GABRA3: variants seen among roughly 807,000 people sequenced by gnomAD.
The protein encoded by GABRA3 is gamma-aminobutyric acid type A receptor subunit alpha3.
Under a neutral mutation model 30.1 loss-of-function variants are expected in GABRA3, and 10 were observed. That is an observed-to-expected ratio of 0.33 (90% CI 0.20 to 0.56). GABRA3 has a LOEUF of 0.56. Ranked by LOEUF, GABRA3 falls within the 20% of genes least tolerant of loss-of-function variation. GABRA3 has a pLI of 0.89. For missense variants in GABRA3, 233 were observed against 392.0 expected (o/e 0.59, Z 3.42); for synonymous variants, 151 against 146.8 (o/e 1.03, Z -0.21).
chrX:152,307,189 C>G (rs964744372), intron 3 of GABRA3, among the ~76,000 whole-genome samples: 68 of 111,541 alleles, frequency 6.1e-4, no homozygotes, highest in African/African-American at 2.0e-3. Context: ...ATATCAATAC[C>G]TGACCTCACG....
At chrX:152,223,483 T>G (rs1043411168) in intron 6 of GABRA3, among the ~76,000 whole-genome samples, 1 of 110,918 alleles carries the variant, frequency 9.0e-6, no homozygotes, top group Non-Finnish European at 1.9e-5. Context: ...CAAAGACCTT[T>G]AATGGCCTAT....
intron 1 of GABRA3, among the ~76,000 whole-genome samples, chrX:152,385,390 G>C (rs1047340496): frequency 1.8e-5 from 2 of 112,027 alleles, no homozygotes; most frequent in African/African-American, 6.5e-5. Flanking sequence ...TGAATACATT[G>C]TGCTGTATTC....
chrX:152,413,002 C>G (rs73626658), intron 1 of GABRA3, among the ~76,000 whole-genome samples: 3,883 of 110,701 alleles, frequency 0.035, 183 homozygotes, highest in African/African-American at 0.12. Flanking sequence ...CTCTATGAAA[C>G]CAAGAAGTGC....
At chrX:152,289,471 C>CT (rs1218533737) in intron 3 of GABRA3, among the ~76,000 whole-genome samples, 43 of 103,578 alleles carry the variant, frequency 4.2e-4, no homozygotes, top group South Asian at 8.4e-4. Flanking sequence ...TGTCTCCCTT[C>CT]TTTTTTTTTT....
At chrX:152,299,323 C>T (rs1939590013) in intron 3 of GABRA3, among the ~76,000 whole-genome samples, 1 of 111,105 alleles carries the variant, frequency 9.0e-6, no homozygotes, top group Non-Finnish European at 1.9e-5. Context: ...TGGGGATCTC[C>T]TTGAAAAGAG....
intron 3 of GABRA3, among the ~76,000 whole-genome samples, chrX:152,333,809 T>C (rs1940195788): frequency 8.9e-6 from 1 of 111,800 alleles, no homozygotes; most frequent in Admixed American, 9.6e-5. Flanking sequence ...ACATTCAGTA[T>C]TATAAAGATT....
chrX:152,400,975 C>T (rs1007556259), intron 1 of GABRA3, among the ~76,000 whole-genome samples: 2 of 111,395 alleles, frequency 1.8e-5, no homozygotes, highest in African/African-American at 6.5e-5. Context: ...AGTCTGTCAA[C>T]AACCTGAGTG....
chrX:152,257,463 G>A (rs73621199), intron 4 of GABRA3, among the ~76,000 whole-genome samples: 1 of 112,768 alleles, frequency 8.9e-6, no homozygotes, highest in Non-Finnish European at 1.9e-5. Context: ...GCTTCCAATC[G>A]TATGTGGGAT....
chrX:152,338,351 A>G (rs963495354), intron 3 of GABRA3, among the ~76,000 whole-genome samples: 1 of 112,015 alleles, frequency 8.9e-6, no homozygotes, highest in Admixed American at 9.5e-5. Context: ...ATGTCTGTTC[A>G]GATCTTTTGT....
At chrX:152,193,337 C>T (rs1937347217) in intron 8 of GABRA3, among the ~76,000 whole-genome samples, 2 of 111,767 alleles carry the variant, frequency 1.8e-5, no homozygotes, top group Non-Finnish European at 3.8e-5. Context: ...TTTTTAGGTT[C>T]ATTCATGTTG....
At chrX:152,439,385 G>A (rs763146412) in intron 1 of GABRA3, among the ~76,000 whole-genome samples, 2 of 111,049 alleles carry the variant, frequency 1.8e-5, no homozygotes, top group East Asian at 2.8e-4. Context: ...CACCTGCCAC[G>A]GCCTCCAAAG....
In GABRA3 at chrX:152,240,631, T is replaced by C. The variant is rs201109085; in HGVS notation, c.551+15147A>G. Among the ~76,000 whole-genome samples the C allele has an allele frequency of 6.7e-3, 607 of 91,077 alleles. 2 individuals are homozygous for C. The highest frequency in any genetic ancestry group is 0.016 in the East Asian group (33 of 2,107). 79.1% of individuals were successfully genotyped at this position (91,077 alleles called of 115,157 possible). A position where few individuals can be genotyped will look rare whatever the true frequency, so the allele number is the denominator to read the frequency against. On this transcript the variant is annotated intron_variant, in intron 5 of 9. Transcript: ENST00000370314. ...ATTCTCCCCATCACTTTCAGGTACA[T>C]CAATCAGACGTAGATTTGGTCTTTT...
chrX:152,418,339 C>T (rs1213888808), intron 1 of GABRA3, among the ~76,000 whole-genome samples: 1 of 111,422 alleles, frequency 9.0e-6, no homozygotes, highest in Non-Finnish European at 1.9e-5. Context: ...TATTCTCTGA[C>T]CACAATTTAA....
At position 152,333,126 on chromosome X, in the gene GABRA3, G is replaced by C. The variant is rs755545435; in HGVS notation, c.262+12455C>G. Among the ~76,000 whole-genome samples, 15 of 111,558 alleles carry C rather than the reference G, an allele frequency of 1.3e-4. 1 individual carries two copies. The South Asian group carries it at 4.1e-3, about 31-fold the overall frequency. ...GGCGAAAGATCTGGGTGTGATCCTG[G>C]TAGAAAGCACCAAAGCTTTTAGTGG... On this transcript the variant is annotated intron_variant, in intron 3 of 9. Transcript: ENST00000370314.
intron 9 of GABRA3, among the ~76,000 whole-genome samples, chrX:152,178,509 T>C (rs185245906): frequency 1.2e-3 from 132 of 111,586 alleles, no homozygotes; most frequent in African/African-American, 4.1e-3. Context: ...TTGAAGAGAA[T>C]GTGAATGTTT....
At chrX:152,297,550 T>G (rs957968334) in intron 3 of GABRA3, among the ~76,000 whole-genome samples, 2 of 112,355 alleles carry the variant, frequency 1.8e-5, no homozygotes, top group African/African-American at 6.5e-5. Flanking sequence ...ATACTGATAC[T>G]TACCCAGAAT....
In GABRA3 at chrX:152,167,894, G is replaced by C. The variant is rs946460701; in HGVS notation, c.*334C>G. On this transcript the variant is annotated 3_prime_UTR_variant, in exon 10 of 10. Transcript: ENST00000370314. ...TCAAACAGCCAAGGCTTCCACTATGGAGAGTAGAATCTCTTGTTCTTTTTG... is the reference window on the plus strand; with the variant it reads ...TCAAACAGCCAAGGCTTCCACTATGCAGAGTAGAATCTCTTGTTCTTTTTG... 39 of 244,877 alleles carry C rather than the reference G, an allele frequency of 1.6e-4. No individual in the cohort carries two copies. Among genetic ancestry groups the C allele is most frequent in the Admixed American group, 1.2e-3 (19 of 16,066 alleles). 20.2% of individuals were successfully genotyped at this position (244,877 alleles called of 1,213,427 possible).
chrX:152,305,709 A>G (rs1238733602), intron 3 of GABRA3, among the ~76,000 whole-genome samples: 2 of 111,619 alleles, frequency 1.8e-5, no homozygotes, highest in African/African-American at 6.5e-5. Context: ...ATACCACCAC[A>G]ACAAACTATA....
At chrX:152,389,881 A>AT (rs778159272) in intron 1 of GABRA3, among the ~76,000 whole-genome samples, 8 of 110,421 alleles carry the variant, frequency 7.2e-5, no homozygotes, top group East Asian at 2.9e-4. Flanking sequence ...GAAAATTGTG[A>AT]TTTTTTATAT....
Sources: allele counts gnomAD v4.1 joint callset (sites outside exome capture counted in the v4.1 genomes callset), GRCh38; gene constraint gnomAD v4.1.1; transcripts MANE v1.5; gene names NCBI Gene and HGNC (gene_info 2026-07-23, HGNC 2026-07-21).